The following LMO7 variants were observed in gnomAD, a reference collection of about 807,000 sequenced individuals.
LMO7 encodes the protein LIM domain 7, also known as LIM domain only protein 7.
In LMO7, 120 loss-of-function variants were observed where a neutral mutation model predicts 206.5. The observed-to-expected ratio is 0.58, with a 90% CI of 0.50 to 0.68. The LOEUF is 0.68. Among genes scored for constraint, LMO7 ranks in the 30% least tolerant of loss-of-function variants. The pLI, the probability that LMO7 is intolerant of heterozygous loss-of-function variation, is 0.00. For synonymous variants in LMO7, 706 were observed against 681.5 expected (o/e 1.04, Z -0.56); for missense variants, 1,959 against 1,957.9 (o/e 1.00, Z -0.01).
At chr13:75,736,968 G>A (rs184048150) in intron 3 of LMO7, among the ~76,000 whole-genome samples, 265 of 152,296 alleles carry the variant, frequency 1.7e-3, no homozygotes, top group African/African-American at 6.2e-3. Flanking sequence ...CTAGAATTGG[G>A]TCTTTGATGG....
chr13:75,802,985 A>T (rs553979712), intron 7 of LMO7, among the ~76,000 whole-genome samples: 2 of 152,340 alleles, frequency 1.3e-5, no homozygotes, highest in African/African-American at 4.8e-5. Flanking sequence ...ACTTTTTCTT[A>T]AAAGTTAGAA....
chr13:75,629,179 T>C (rs2034594205), intron 2 of LMO7, among the ~76,000 whole-genome samples: 1 of 152,206 alleles, frequency 6.6e-6, no homozygotes, highest in African/African-American at 2.4e-5. Flanking sequence ...TGAGAGACCC[T>C]CCTGTAAGGA....
chr13:75,628,842 T>C (rs1247196360), intron 2 of LMO7, among the ~76,000 whole-genome samples: 2 of 152,172 alleles, frequency 1.3e-5, no homozygotes, highest in East Asian at 3.8e-4. Flanking sequence ...AGTAGCCTTT[T>C]TCTGCCCAAT....
intron 2 of LMO7, among the ~76,000 whole-genome samples, chr13:75,716,429 T>C (rs2043540164): frequency 6.6e-6 from 1 of 152,164 alleles, no homozygotes; most frequent in Non-Finnish European, 1.5e-5. Flanking sequence ...TTTAGTGTTG[T>C]TTAGTTTGAC....
intron 22 of LMO7, among the ~76,000 whole-genome samples, chr13:75,840,733 G>T (rs187487244): frequency 3.0e-4 from 46 of 152,054 alleles, no homozygotes; most frequent in African/African-American, 1.1e-3. Flanking sequence ...GAGTATGAAG[G>T]GCACTCACTT....
intron 9 of LMO7, chr13:75,806,003 T>C: frequency 8.3e-7 from 1 of 1,201,386 alleles, no homozygotes; most frequent in East Asian, 3.3e-5. Flanking sequence ...GTTCTGTTTT[T>C]CTCCAATTCT....
At chr13:75,669,980 A>ACAGC (rs2039410863) in intron 1 of LMO7, among the ~76,000 whole-genome samples, 1 of 152,178 alleles carries the variant, frequency 6.6e-6, no homozygotes, top group Non-Finnish European at 1.5e-5. Context: ...ATGCCTGCTT[A>ACAGC]TTCTGAGGTC....
intron 4 of LMO7, among the ~76,000 whole-genome samples, chr13:75,788,232 A>G (rs2052728172): frequency 6.6e-6 from 1 of 151,972 alleles, no homozygotes; most frequent in Non-Finnish European, 1.5e-5. Flanking sequence ...CTTGTTGCAT[A>G]TATAAAAATG....
intron 3 of LMO7, among the ~76,000 whole-genome samples, chr13:75,743,657 C>T (rs1244351025): frequency 6.6e-6 from 1 of 152,068 alleles, no homozygotes; most frequent in South Asian, 2.1e-4. Flanking sequence ...GATGAGAACA[C>T]GTGGACACAG....
intron 1 of LMO7, among the ~76,000 whole-genome samples, chr13:75,642,530 G>A (rs1015112255): frequency 6.6e-6 from 1 of 151,830 alleles, no homozygotes; most frequent in Non-Finnish European, 1.5e-5. Context: ...CTGAGTCTGG[G>A]CAGTTGAGGT....
intron 4 of LMO7, among the ~76,000 whole-genome samples, chr13:75,772,419 G>A (rs2049879252): frequency 6.6e-6 from 1 of 152,066 alleles, no homozygotes; most frequent in African/African-American, 2.4e-5. Context: ...CTGCCTTTGA[G>A]TGAGTGGAGA....
chr13:75,817,216 C>T lies in LMO7; in HGVS notation c.2002C>T (p.Arg668Cys), dbSNP rs147322352. The change falls in exon 12 of 31, where the codon CGT becomes TGT. Residue 668 changes from arginine (R) to cysteine (C), a missense_variant. Coordinates refer to ENST00000377534, the MANE Select transcript of LMO7 (RefSeq NM_001306080.2). The part of the protein sequence containing the change: ...AEDVQNLRQL[R>C]YEEMQKIKSQ... Reference sequence around the variant, plus strand: ...AGATGTTCAAAACTTGCGTCAGCTGCGTTACGAGGAGATGCAGAAAATAAA... The same window carrying T: ...AGATGTTCAAAACTTGCGTCAGCTGTGTTACGAGGAGATGCAGAAAATAAA... The T allele has an allele frequency of 2.0e-5, 33 of 1,613,420 alleles. No individual in the cohort carries two copies. Among genetic ancestry groups the T allele is most frequent in the Admixed American group, 3.3e-5 (2 of 59,972 alleles).
rs556384515 is a variant in LMO7 at position 75,710,624 on chromosome 13, C to G, written c.70-2558C>G. On this transcript the variant is annotated intron_variant, in intron 1 of 30. Coordinates refer to ENST00000377534, the MANE Select transcript of LMO7 (RefSeq NM_001306080.2). ...TGTCTGTTATTGGTGTATAGGAATG[C>G]TTGTGATTTTTGCACATTGATTTTG... Among the ~76,000 whole-genome samples the G allele has an allele frequency of 2.8e-4, 43 of 151,882 alleles. 1 individual carries two copies. The South Asian group carries it at 9.0e-3, about 32-fold the overall frequency.
chr13:75,838,070 A>G (rs1403593879), intron 19 of LMO7, 70 bp from the exon 20 acceptor site: 2 of 868,752 alleles, frequency 2.3e-6, no homozygotes, highest in South Asian at 1.4e-5. Context: ...AGGTATATCA[A>G]GTATCGTTTA....
chr13:75,669,611 C>T (rs1402411386), intron 1 of LMO7, among the ~76,000 whole-genome samples: 2 of 152,156 alleles, frequency 1.3e-5, no homozygotes, highest in African/African-American at 4.8e-5. Context: ...CGCCTAGCCT[C>T]ATCTGTTGCA....
Position 75,785,902 on chromosome 13 carries a change from C to G in LMO7, c.318-9499C>G, listed in dbSNP as rs146022437. Among the ~76,000 whole-genome samples the G allele has an allele frequency of 4.0e-3, 603 of 152,232 alleles. 7 individuals are homozygous for G. Among genetic ancestry groups the G allele is most frequent in the African/African-American group, 0.014 (575 of 41,546 alleles). On this transcript the variant is annotated intron_variant, in intron 4 of 30. Transcript: ENST00000377534. ...AAGTCTGGAAGGACACCTGAAATGT[C>G]TAGTTTAGTATTCTTTTAAGTTGTG...
At chr13:75,690,672 A>T (rs557315189) in intron 1 of LMO7, among the ~76,000 whole-genome samples, 90 of 152,334 alleles carry the variant, frequency 5.9e-4, no homozygotes, top group African/African-American at 2.1e-3. Context: ...AGTGATTGAA[A>T]GCTTATATTC....
chr13:75,734,140 C>T (rs191745875), intron 3 of LMO7, among the ~76,000 whole-genome samples: 34 of 151,280 alleles, frequency 2.2e-4, no homozygotes, highest in Middle Eastern at 3.4e-3. Context: ...AATAATATTA[C>T]CCATAAAATG....
chr13:75,626,593 A>ATATATAT (rs1566249204), intron 2 of LMO7, among the ~76,000 whole-genome samples: 1 of 64,660 alleles, frequency 1.5e-5, no homozygotes. Context: ...ATATATATAT[A>ATATATAT]AATTTTTTTG....
Sources: gnomAD v4.1 joint callset for allele counts (sites outside exome capture counted in the v4.1 genomes callset) on GRCh38, gnomAD v4.1.1 for gene constraint, MANE v1.5 for transcripts, NCBI Gene and HGNC (gene_info 2026-07-23, HGNC 2026-07-21) for gene names.